The following MYO10 variants were observed in gnomAD, a reference collection of about 807,000 sequenced individuals.
The protein encoded by MYO10 is myosin X, also known as unconventional myosin-X.
A neutral mutation model predicts 257.3 loss-of-function variants in MYO10; 133 were observed. The observed-to-expected ratio is 0.52, with a 90% CI of 0.45 to 0.60. The LOEUF is 0.60. Ranked by LOEUF, MYO10 falls within the 20% of genes least tolerant of loss-of-function variation. The pLI, the probability that MYO10 is intolerant of heterozygous loss-of-function variation, is 0.00. For missense variants in MYO10, 2,399 were observed against 2,635.7 expected (o/e 0.91, Z 1.97); for synonymous variants, 1,104 against 1,028.6 (o/e 1.07, Z -1.40).
At position 16,762,128 on chromosome 5, in the gene MYO10, A is replaced by C; in HGVS notation, c.1588-15T>G. The C allele has an allele frequency of 6.7e-7, 1 of 1,483,862 alleles. No homozygotes were observed. The highest frequency in any genetic ancestry group is 8.9e-7 in the Non-Finnish European group (1 of 1,123,412). 91.9% of individuals were successfully genotyped at this position (1,483,862 alleles called of 1,614,324 possible). On this transcript the variant is annotated splice_polypyrimidine_tract_variant and intron_variant, in intron 15 of 40. Transcript: ENST00000513610. The stretch of plus-strand genomic sequence containing the variant: ...AAGTGGTTATTCTAAAAAAAAAAAA[A>C]AAAAAAAAAAAAAAAATACAATGCC...
At chr5:16,853,361 G>C (rs1462646575) in intron 2 of MYO10, among the ~76,000 whole-genome samples, 1 of 148,610 alleles carries the variant, frequency 6.7e-6, no homozygotes, top group African/African-American at 2.5e-5. Flanking sequence ...GCGACAGAGT[G>C]AGACTCCGTC....
At chr5:16,877,960 C>T (rs1744652907) in intron 1 of MYO10, among the ~76,000 whole-genome samples, 1 of 152,200 alleles carries the variant, frequency 6.6e-6, no homozygotes, top group African/African-American at 2.4e-5. Context: ...CCCCTGTGTT[C>T]TCACCATGCA....
chr5:16,921,767 T>C (rs1309217445), intron 1 of MYO10, among the ~76,000 whole-genome samples: 1 of 152,156 alleles, frequency 6.6e-6, no homozygotes, highest in Non-Finnish European at 1.5e-5. Context: ...CTCCTAGTGA[T>C]GTCTGAAGAC....
intron 19 of MYO10, among the ~76,000 whole-genome samples, chr5:16,728,811 C>T (rs1167918284): frequency 2.6e-5 from 4 of 152,190 alleles, no homozygotes; most frequent in African/African-American, 9.7e-5. Flanking sequence ...CCAAGTGTGG[C>T]CTGGGACGGC....
intron 2 of MYO10, among the ~76,000 whole-genome samples, chr5:16,829,901 ACG>A (rs764159259): frequency 7.4e-6 from 1 of 135,710 alleles, no homozygotes; most frequent in African/African-American, 2.9e-5. Flanking sequence ...ACACACACAC[ACG>A]CACACGCACA....
chr5:16,861,269 G>C (rs1204007217), intron 2 of MYO10, among the ~76,000 whole-genome samples: 2 of 149,242 alleles, frequency 1.3e-5, no homozygotes, highest in African/African-American at 5.0e-5. Flanking sequence ...AAAAAAAAAA[G>C]TGAAGAAAAA....
intron 21 of MYO10, among the ~76,000 whole-genome samples, chr5:16,707,589 G>C (rs187481787): frequency 6.6e-6 from 1 of 152,356 alleles, no homozygotes; most frequent in Admixed American, 6.5e-5. Context: ...AACTGAGGAA[G>C]AAAAGTCTGA....
rs58577651 is a variant in MYO10, at chr5:16,794,383, TAAAAA to T, written c.467+258_467+262del. ...TAATTAAGGCAAATAAATGTTGCTT[TAAAAA>T]AAAAAAAAAAAAAAAGGAACAGAAT... On this transcript the variant is annotated intron_variant, in intron 4 of 40. Transcript: ENST00000513610. Among the ~76,000 whole-genome samples, 56 of 140,596 alleles carry T rather than the reference TAAAAA, an allele frequency of 4.0e-4. 1 individual carries two copies. The East Asian group carries it at 5.5e-3, about 14-fold the overall frequency. The allele number at this position is 140,596 out of a possible 152,430, so 92.2% of individuals were successfully genotyped here.
intron 1 of MYO10, 137 bp downstream of exon 1, chr5:16,935,650 TG>T (rs1303782886): frequency 1.3e-5 from 12 of 923,292 alleles, no homozygotes; most frequent in Non-Finnish European, 1.7e-5. Context: ...CGCGGGGGGA[TG>T]GGGGGTGATT....
chr5:16,865,155 C>CAA (rs201701607), intron 2 of MYO10, among the ~76,000 whole-genome samples: 2 of 147,690 alleles, frequency 1.4e-5, no homozygotes, highest in African/African-American at 5.0e-5. Flanking sequence ...ATTAAAGTTT[C>CAA]AAAAAAAAAA....
chr5:16,788,309 C>T (rs1457370486), intron 4 of MYO10, among the ~76,000 whole-genome samples: 1 of 152,084 alleles, frequency 6.6e-6, no homozygotes, highest in African/African-American at 2.4e-5. Context: ...TCCTGGGGCC[C>T]CTGAGTGTTT....
chr5:16,853,330 C>T (rs1042056830), intron 2 of MYO10, among the ~76,000 whole-genome samples: 21 of 151,166 alleles, frequency 1.4e-4, no homozygotes, highest in Admixed American at 8.6e-4. Flanking sequence ...GCTGAGATCG[C>T]GCCACTGCAC....
intron 2 of MYO10, among the ~76,000 whole-genome samples, chr5:16,837,153 A>C (rs1317420703): frequency 1.3e-5 from 2 of 152,146 alleles, no homozygotes; most frequent in African/African-American, 4.8e-5. Context: ...TCTACTAAAA[A>C]TACAAAATTA....
chr5:16,929,277 G>A (rs752196403), intron 1 of MYO10, among the ~76,000 whole-genome samples: 5 of 152,180 alleles, frequency 3.3e-5, no homozygotes, highest in Non-Finnish European at 7.3e-5. Context: ...TTCAAAAGCT[G>A]ATGAACATTT....
At position 16,662,587 on chromosome 5, in the gene MYO10, G is replaced by C. The variant is rs1215707294; in HGVS notation, c.*4105C>G. ...TCCTCTTGCCTCGGCCTTCCAACAT[G>C]CTGGGATTACAGGCGTGAGCCAGCA... is the stretch of plus-strand genomic sequence containing the variant. On this transcript the variant is annotated 3_prime_UTR_variant, in exon 41 of 41. Coordinates refer to ENST00000513610, the MANE Select transcript of MYO10 (RefSeq NM_012334.3). 6.6e-6 allele frequency: 1 copy of C among 152,068 alleles called. No homozygotes were observed. The highest frequency in any genetic ancestry group is 2.4e-5 in the African/African-American group (1 of 41,358). The allele number at this position is 152,068 out of a possible 1,614,324, so 9.4% of individuals were successfully genotyped here. A position where few individuals can be genotyped will look rare whatever the true frequency, so the allele number is the denominator to read the frequency against.
At chr5:16,880,766 A>G (rs1473003233) in intron 1 of MYO10, among the ~76,000 whole-genome samples, 1 of 152,210 alleles carries the variant, frequency 6.6e-6, no homozygotes, top group Non-Finnish European at 1.5e-5. Flanking sequence ...ACTGCCTGTC[A>G]GTCCTGATTT....
intron 19 of MYO10, among the ~76,000 whole-genome samples, chr5:16,736,016 C>T (rs924962939): frequency 6.6e-6 from 1 of 152,078 alleles, no homozygotes; most frequent in Non-Finnish European, 1.5e-5. Flanking sequence ...TCCACAGCAC[C>T]GAATAAAGCA....
intron 19 of MYO10, among the ~76,000 whole-genome samples, chr5:16,741,276 C>T (rs1432561831): frequency 6.6e-6 from 1 of 152,210 alleles, no homozygotes; most frequent in Non-Finnish European, 1.5e-5. Context: ...GAAACAAGCA[C>T]ATGATATTCA....
intron 2 of MYO10, among the ~76,000 whole-genome samples, chr5:16,850,833 G>T (rs1743779850): frequency 6.6e-6 from 1 of 151,208 alleles, no homozygotes; most frequent in Non-Finnish European, 1.5e-5. Flanking sequence ...ATGGAGTCTT[G>T]CTCTGTCGTC....
Sources: allele counts gnomAD v4.1 joint callset (sites outside exome capture counted in the v4.1 genomes callset), GRCh38; gene constraint gnomAD v4.1.1; transcripts MANE v1.5; gene names NCBI Gene and HGNC (gene_info 2026-07-23, HGNC 2026-07-21).